FAP: variants seen among roughly 807,000 people sequenced by gnomAD.
FAP encodes the protein fibroblast activation protein alpha.
A neutral mutation model predicts 126.5 loss-of-function variants in FAP; 110 were observed. The observed-to-expected ratio is 0.87, with a 90% CI of 0.74 to 1.02. FAP has a LOEUF of 1.02. FAP is among the 50% of genes least tolerant of loss of function. The probability of loss-of-function intolerance (pLI) is 0.00; values close to 1 mark genes in which losing one functional copy is unlikely to be tolerated. For missense variants in FAP, 919 were observed against 909.2 expected, an observed-to-expected ratio of 1.01 and a Z score of -0.14; for synonymous variants, 334 against 297.3, an observed-to-expected ratio of 1.12 and a Z score of -1.27.
chr2:162,223,912 T>C (rs367728367), intron 5 of FAP, among the ~76,000 whole-genome samples: 11 of 152,232 alleles, frequency 7.2e-5, no homozygotes, highest in African/African-American at 2.4e-4. Context: ...ATAAAAAGCA[T>C]ATCCAAAGAA....
chr2:162,172,704 CTCTT>C (rs1687354610), intron 25 of FAP, 103 bp downstream of exon 25: 3 of 727,128 alleles, frequency 4.1e-6, no homozygotes, highest in Non-Finnish European at 2.4e-6. Context: ...ATCCTGCAGC[CTCTT>C]TGTCAGATTT....
At chr2:162,222,482 A>T (rs935166448) in intron 6 of FAP, among the ~76,000 whole-genome samples, 11 of 152,342 alleles carry the variant, frequency 7.2e-5, no homozygotes, top group African/African-American at 1.4e-4. Flanking sequence ...AATTTGAAAG[A>T]AGTAGATAGA....
Position 162,238,525 on chromosome 2 carries a change from A to T in FAP, c.91+4383T>A, listed in dbSNP as rs527879463. 5.9e-5 allele frequency among the ~76,000 whole-genome samples: 9 copies of T among 151,594 alleles called. No individual in the cohort carries two copies. The East Asian group carries it at 1.8e-3, about 30-fold the overall frequency. On this transcript the variant is annotated intron_variant, in intron 2 of 25. Coordinates refer to ENST00000188790, the MANE Select transcript of FAP (RefSeq NM_004460.5). The stretch of plus-strand genomic sequence containing the variant: ...ATTCACGTGCAAATTAGAGAACTAT[A>T]AACTGCAAACTTGATTTCTTTATCT...
intron 10 of FAP, 50 bp downstream of exon 10, chr2:162,215,848 A>G: frequency 7.6e-7 from 1 of 1,315,184 alleles, no homozygotes; most frequent in South Asian, 1.2e-5. Context: ...CACAGCATAA[A>G]TGCACTAGAA....
chr2:162,196,715 G>T (rs1032575427), intron 16 of FAP, among the ~76,000 whole-genome samples: 1 of 151,992 alleles, frequency 6.6e-6, no homozygotes, highest in Non-Finnish European at 1.5e-5. Context: ...ACCATCCCTC[G>T]GGAGAGTTTG....
chr2:162,193,351 G>C (rs1688124517), intron 17 of FAP, among the ~76,000 whole-genome samples: 1 of 152,150 alleles, frequency 6.6e-6, no homozygotes, highest in African/African-American at 2.4e-5. Flanking sequence ...GAAAGAATTT[G>C]ATTTTTTCTG....
intron 11 of FAP, among the ~76,000 whole-genome samples, chr2:162,211,272 C>T (rs959707453): frequency 1.3e-5 from 2 of 152,106 alleles, no homozygotes; most frequent in South Asian, 2.1e-4. Context: ...CCTAGGTTCC[C>T]GAATGACTAT....
At chr2:162,237,508 T>C (rs1390351411) in intron 2 of FAP, among the ~76,000 whole-genome samples, 2 of 152,220 alleles carry the variant, frequency 1.3e-5, no homozygotes, top group African/African-American at 2.4e-5. Flanking sequence ...CTGAGAATGA[T>C]GGTTTCCAGC....
chr2:162,194,340 A>G (rs1203001764), intron 17 of FAP, among the ~76,000 whole-genome samples: 1 of 151,918 alleles, frequency 6.6e-6, no homozygotes, highest in Non-Finnish European at 1.5e-5. Context: ...AGGAAAAAAA[A>G]AAAAAAACAC....
chr2:162,190,950 T>G (rs1688020612), intron 17 of FAP, among the ~76,000 whole-genome samples: 1 of 152,138 alleles, frequency 6.6e-6, no homozygotes, highest in African/African-American at 2.4e-5. Flanking sequence ...ACATAATGAA[T>G]TTCACATTAA....
At chr2:162,213,416 AAAAC>A (rs1363624747) in intron 11 of FAP, among the ~76,000 whole-genome samples, 1 of 150,830 alleles carries the variant, frequency 6.6e-6, no homozygotes, top group Non-Finnish European at 1.5e-5. Flanking sequence ...AAAAAAACAA[AAAAC>A]AAACAAAAAA....
intron 2 of FAP, among the ~76,000 whole-genome samples, chr2:162,241,574 T>C (rs900597354): frequency 2.0e-5 from 3 of 152,202 alleles, no homozygotes; most frequent in Non-Finnish European, 2.9e-5. Flanking sequence ...AGAGTATCAA[T>C]TTCAAGGTTG....
intron 21 of FAP, among the ~76,000 whole-genome samples, chr2:162,179,108 C>T (rs1409770756): frequency 6.6e-6 from 1 of 152,126 alleles, no homozygotes; most frequent in African/African-American, 2.4e-5. Flanking sequence ...AATACCTTGC[C>T]CTATTGACTT....
chr2:162,170,912 A>G lies in FAP; in HGVS notation c.*67T>C. On this transcript the variant is annotated 3_prime_UTR_variant, in exon 26 of 26. Coordinates refer to ENST00000188790, the MANE Select transcript of FAP (RefSeq NM_004460.5). ...ATTTTACAACATAAAAAATAAAATA[A>G]GCAAACTGTCTGAGGGGTTTATATA... 8.6e-7 allele frequency: 1 copy of G among 1,161,294 alleles called. No individual in the cohort carries two copies. 71.9% of individuals were successfully genotyped at this position (1,161,294 alleles called of 1,614,324 possible). A position where few individuals can be genotyped will look rare whatever the true frequency, so the allele number is the denominator to read the frequency against.
intron 14 of FAP, among the ~76,000 whole-genome samples, chr2:162,201,084 G>T (rs890788647): frequency 6.6e-6 from 1 of 152,144 alleles, no homozygotes; most frequent in African/African-American, 2.4e-5. Flanking sequence ...TGTCAATTTA[G>T]CCAGATGCAA....
chr2:162,189,225 C>T (rs1057218670), intron 18 of FAP, 53 bp from the exon 19 acceptor site: 1 of 1,050,512 alleles, frequency 9.5e-7, no homozygotes, highest in Admixed American at 2.2e-5. Context: ...CTAGTAGCAT[C>T]ATTTATTGTC....
chr2:162,236,761 C>T (rs1009146454), intron 2 of FAP, among the ~76,000 whole-genome samples: 8 of 152,074 alleles, frequency 5.3e-5, no homozygotes, highest in Non-Finnish European at 7.4e-5. Context: ...GTGTCAGCCA[C>T]CACTGCTAAT....
chr2:162,218,552 A>G (rs1689248973), intron 8 of FAP, among the ~76,000 whole-genome samples: 1 of 147,908 alleles, frequency 6.8e-6, no homozygotes, highest in Non-Finnish European at 1.5e-5. Flanking sequence ...AACCAAAAAC[A>G]CAGTTAGTTT....
At chr2:162,197,501 C>G (rs888221421) in intron 16 of FAP, 4 of 455,130 alleles carry the variant, frequency 8.8e-6, no homozygotes, top group African/African-American at 8.0e-5. Flanking sequence ...TGGTCATGAA[C>G]AACAATCTCT....
Sources: allele counts gnomAD v4.1 joint callset (sites outside exome capture counted in the v4.1 genomes callset), GRCh38; gene constraint gnomAD v4.1.1; transcripts MANE v1.5; gene names NCBI Gene and HGNC (gene_info 2026-07-23, HGNC 2026-07-21).